FAM20C: variants seen among roughly 807,000 people sequenced by gnomAD.
FAM20C encodes the protein FAM20C golgi associated secretory pathway kinase.
A neutral mutation model predicts 51.5 loss-of-function variants in FAM20C; 40 were observed. The observed-to-expected ratio is 0.78, with a 90% confidence interval of 0.60 to 1.01. The LOEUF is 1.01. Ranked by LOEUF, FAM20C falls within the 50% of genes least tolerant of loss-of-function variation. The pLI, the probability that FAM20C is intolerant of heterozygous loss-of-function variation, is 0.00. For synonymous variants in FAM20C, 406 were observed against 380.6 expected, an observed-to-expected ratio of 1.07 and a Z score of -0.78; for missense variants, 861 against 844.7, an observed-to-expected ratio of 1.02 and a Z score of -0.24.
At position 193,097 on chromosome 7, in the gene FAM20C, C is replaced by T. The variant is rs185095788; in HGVS notation, c.-103C>T. The stretch of plus-strand genomic sequence containing the variant: ...CCCGGAGCTGGTAGCCGCCCGGCAC[C>T]GATGGACCTTGACCCGCGAGGCGGC... On this transcript the variant is annotated 5_prime_UTR_variant, in exon 1 of 10. Coordinates refer to ENST00000313766, the MANE Select transcript of FAM20C (RefSeq NM_020223.4). 1,143 of 1,096,696 alleles carry T rather than the reference C, an allele frequency of 1.0e-3. 12 individuals carry two copies. The African/African-American group carries it at 0.018, about 17-fold the overall frequency. The allele number at this position is 1,096,696 out of a possible 1,614,324, so 67.9% of individuals were successfully genotyped here.
At chr7:206,090 A>G (rs1786365934) in intron 2 of FAM20C, among the ~76,000 whole-genome samples, 1 of 151,986 alleles carries the variant, frequency 6.6e-6, no homozygotes, top group Non-Finnish European at 1.5e-5. Flanking sequence ...AGGTCCCTGG[A>G]GCGTCTCCGT....
chr7:219,898 C>T (rs1489054677), intron 3 of FAM20C, among the ~76,000 whole-genome samples: 1 of 152,216 alleles, frequency 6.6e-6, no homozygotes, highest in Non-Finnish European at 1.5e-5. Context: ...CTCACCGGTT[C>T]CAAAGGCAAA....
rs1562396200 is a variant in FAM20C at position 251,269 on chromosome 7, CA to C, written c.1072+2840del. ...CTGAGTGGCCGGGCACGGTGGCTCA[CA>C]CGCCTGCAATCCCAGTACTGGGAGG... On this transcript the variant is annotated intron_variant, in intron 5 of 9. Transcript: ENST00000313766. Among the ~76,000 whole-genome samples, 99 of 73,408 alleles carry C rather than the reference CA, an allele frequency of 1.3e-3. 16 individuals carry two copies. The highest frequency in any genetic ancestry group is 2.3e-3 in the Non-Finnish European group (62 of 26,396). The allele number at this position is 73,408 out of a possible 152,430, so 48.2% of individuals were successfully genotyped here. A position where few individuals can be genotyped will look rare whatever the true frequency, so the allele number is the denominator to read the frequency against.
At chr7:218,446 G>T (rs1246934176) in intron 3 of FAM20C, among the ~76,000 whole-genome samples, 23 of 152,218 alleles carry the variant, frequency 1.5e-4, no homozygotes, top group Admixed American at 1.4e-3. Context: ...TGACGGGACT[G>T]CACGACCTGC....
chr7:240,249 A>T (rs1787895998), intron 3 of FAM20C, among the ~76,000 whole-genome samples: 1 of 103,624 alleles, frequency 9.7e-6, no homozygotes, highest in East Asian at 2.7e-4. Flanking sequence ...NNNNATGATG[A>T]TGTTGATAAG....
chr7:220,887 G>A lies in FAM20C; in HGVS notation c.863+11911G>A, dbSNP rs897699648. 1.2e-4 allele frequency among the ~76,000 whole-genome samples: 19 copies of A among 152,340 alleles called. No homozygotes were observed. The East Asian group carries it at 1.5e-3, about 12-fold the overall frequency. ...TCCCATGCCTGAGAAGTGAGAGCCC[G>A]GATGGTGGGCCCAGGGCACAGGGCG... On this transcript the variant is annotated intron_variant, in intron 3 of 9. Transcript: ENST00000313766.
chr7:235,594 G>A (rs1024930068), intron 3 of FAM20C, among the ~76,000 whole-genome samples: 391 of 152,336 alleles, frequency 2.6e-3, no homozygotes, highest in Non-Finnish European at 4.7e-3. Context: ...GAGCCCTGCC[G>A]AGGAGGTCCT....
intron 4 of FAM20C, among the ~76,000 whole-genome samples, chr7:246,719 G>A (rs1421474667): frequency 2.7e-5 from 4 of 150,126 alleles, no homozygotes; most frequent in Non-Finnish European, 5.9e-5. Flanking sequence ...CAGCGCCGGT[G>A]CCTGCTCTCC....
chr7:251,712 C>G (rs1788410428), intron 5 of FAM20C, among the ~76,000 whole-genome samples: 2 of 152,184 alleles, frequency 1.3e-5, no homozygotes, highest in Non-Finnish European at 2.9e-5. Context: ...AATCCCTTCT[C>G]ACGTCTCCCT....
At chr7:195,086 C>T (rs1785786441) in intron 1 of FAM20C, among the ~76,000 whole-genome samples, 1 of 152,186 alleles carries the variant, frequency 6.6e-6, no homozygotes, top group South Asian at 2.1e-4. Context: ...GGAACAAAAG[C>T]AGAGAGCTGG....
chr7:244,647 G>A (rs151027173), intron 3 of FAM20C, among the ~76,000 whole-genome samples: 23,159 of 152,188 alleles, frequency 0.15, 2,264 homozygotes, highest in African/African-American at 0.28. Flanking sequence ...GCTGGTTTCA[G>A]AAGTGCACAG....
Position 204,488 on chromosome 7 carries a change from C to T in FAM20C, c.785-4410C>T, listed in dbSNP as rs117574750. Among the ~76,000 whole-genome samples, 309 of 152,342 alleles carry T rather than the reference C, an allele frequency of 2.0e-3. 4 individuals carry two copies. In the East Asian group the frequency reaches 0.052, roughly 26 times the overall value. On this transcript the variant is annotated intron_variant, in intron 2 of 9. Coordinates refer to ENST00000313766, the MANE Select transcript of FAM20C (RefSeq NM_020223.4). ...CTGACAGGGTAGTGGCTGGAGCAGA[C>T]GCTGCCTGGAGGGAATGGGCACGTG...
At position 260,254 on chromosome 7, in the gene FAM20C, C is replaced by G; in HGVS notation, c.*274C>G. The G allele has an allele frequency of 2.5e-6, 1 of 401,032 alleles. No homozygotes were observed. Among genetic ancestry groups the G allele is most frequent in the Non-Finnish European group, 4.4e-6 (1 of 224,760 alleles). 24.8% of individuals were successfully genotyped at this position (401,032 alleles called of 1,614,324 possible). On this transcript the variant is annotated 3_prime_UTR_variant, in exon 10 of 10. Coordinates refer to ENST00000313766, the MANE Select transcript of FAM20C (RefSeq NM_020223.4). ...TCCATCCTTTCTGTAGGGAAAGGAGCCTTTATTTACTATTTTGTATTTATA... is the reference window on the plus strand; with the variant it reads ...TCCATCCTTTCTGTAGGGAAAGGAGGCTTTATTTACTATTTTGTATTTATA...
At position 193,359 on chromosome 7, in the gene FAM20C, G is replaced by C. The variant is rs549713327; in HGVS notation, c.160G>C (p.Glu54Gln). ...CTGTTCGTGCGCGCAGCCCGCCGCC[G>C]AGGTGGCCGCGCCCGGCTGGGCCCA... ...PGCSCAQPAA[E>Q]VAAPGWAQVR... Residue 54 changes from glutamate to glutamine, a missense_variant, in exon 1 of 10, where the codon GAG (glutamate) becomes CAG (glutamine). This residue lies in a region of FAM20C where 561 missense variants were observed against 499.8 expected (regional missense o/e 1.12). Coordinates refer to ENST00000313766, the MANE Select transcript of FAM20C (RefSeq NM_020223.4). The C allele has an allele frequency of 2.2e-5, 28 of 1,267,616 alleles. No individual in the cohort carries two copies. Among genetic ancestry groups the C allele is most frequent in the Admixed American group, 4.3e-5 (1 of 23,258 alleles). The allele number at this position is 1,267,616 out of a possible 1,614,324, so 78.5% of individuals were successfully genotyped here.
chr7:227,384 T>C (rs1787487863), intron 3 of FAM20C, among the ~76,000 whole-genome samples: 1 of 152,040 alleles, frequency 6.6e-6, no homozygotes, highest in Non-Finnish European at 1.5e-5. Context: ...AAAAGGAAAC[T>C]GCAGATTTAA....
At chr7:244,953 C>T (rs963182394) in intron 3 of FAM20C, among the ~76,000 whole-genome samples, 4 of 152,352 alleles carry the variant, frequency 2.6e-5, no homozygotes, top group East Asian at 1.9e-4. Context: ...CTGAGAACAG[C>T]GTGGGAGGAC....
chr7:209,092 G>T lies in FAM20C; in HGVS notation c.863+116G>T, dbSNP rs192884405. The T allele has an allele frequency of 4.9e-6, 5 of 1,020,548 alleles. No homozygotes were observed. The Admixed American group carries it at 6.1e-5, about 12-fold the overall frequency. The allele number at this position is 1,020,548 out of a possible 1,614,324, so 63.2% of individuals were successfully genotyped here. On this transcript the variant is annotated intron_variant, in intron 3 of 9. Transcript: ENST00000313766. The stretch of plus-strand genomic sequence containing the variant: ...TCCCAGGGTGTTTTGGGGAGACTGT[G>T]GGTGACCACTCTCAACTCTCCCCGT...
intron 3 of FAM20C, among the ~76,000 whole-genome samples, chr7:230,964 G>C (rs954102164): frequency 6.6e-6 from 1 of 152,196 alleles, no homozygotes; most frequent in African/African-American, 2.4e-5. Flanking sequence ...TATAGTCCCA[G>C]CTACTCGGGA....
At chr7:258,955 C>T (rs1241934219) in intron 9 of FAM20C, among the ~76,000 whole-genome samples, 2 of 152,232 alleles carry the variant, frequency 1.3e-5, no homozygotes, top group African/African-American at 2.4e-5. Flanking sequence ...TCCGTCCTGC[C>T]ACCCCAGTTA....
Sources: allele counts gnomAD v4.1 joint callset (sites outside exome capture counted in the v4.1 genomes callset), GRCh38; gene constraint gnomAD v4.1.1; regional missense constraint gnomAD v4.1.1; transcripts MANE v1.5; gene names NCBI Gene and HGNC (gene_info 2026-07-23, HGNC 2026-07-21).